The following SHISA6 variants were observed in gnomAD, a reference collection of about 807,000 sequenced individuals.
SHISA6 encodes protein shisa-6.
Under a neutral mutation model 47.9 loss-of-function variants are expected in SHISA6, and 22 were observed. That is an observed-to-expected ratio of 0.46 (90% confidence interval 0.33 to 0.66). The LOEUF is 0.66. Ranked by LOEUF, SHISA6 falls within the 30% of genes least tolerant of loss-of-function variation. The pLI is 0.02. For missense variants in SHISA6, 680 were observed against 764.6 expected (o/e 0.89, Z 1.30); for synonymous variants, 388 against 337.8 (o/e 1.15, Z -1.63).
intron 3 of SHISA6, among the ~76,000 whole-genome samples, chr17:11,533,883 G>A (rs748302456): frequency 3.9e-5 from 6 of 151,962 alleles, no homozygotes; most frequent in Non-Finnish European, 5.9e-5. Flanking sequence ...GAGCCACCGC[G>A]CCCAGCCTCA....
chr17:11,532,361 G>A (rs1171780205), intron 3 of SHISA6, among the ~76,000 whole-genome samples: 2 of 152,332 alleles, frequency 1.3e-5, no homozygotes, highest in Non-Finnish European at 2.9e-5. Flanking sequence ...GAAAGAGCAT[G>A]TGTGAGCTCT....
rs1185115808 is a variant in SHISA6 at position 11,557,758 on chromosome 17, C to G, written c.1110C>G (p.Asp370Glu). The change falls in exon 6 of 6, where the codon GAC (aspartate) becomes GAG (glutamate). Residue 370 changes from aspartate (D) to glutamate (E), a missense_variant. Physicochemically the swap from Asp to Glu is conservative, Grantham distance 45 (BLOSUM62 2). Coordinates refer to ENST00000441885, the MANE Select transcript of SHISA6 (RefSeq NM_207386.4). The stretch of plus-strand genomic sequence containing the variant: ...CACTCTGTCTCTCCCCTGCAGCCGA[C>G]AAGGAGGCTGACGAGTATTACATGA... ...SKYSSLKRLT[D>E]KEADEYYMRR... The G allele has an allele frequency of 1.3e-6, 2 of 1,540,604 alleles. No homozygotes were observed. The highest frequency in any genetic ancestry group is 2.5e-5 in the East Asian group (1 of 40,778).
chr17:11,253,025 C>T (rs987698992), intron 1 of SHISA6, among the ~76,000 whole-genome samples: 2 of 152,196 alleles, frequency 1.3e-5, no homozygotes, highest in African/African-American at 2.4e-5. Flanking sequence ...CAAGCATTCG[C>T]GAAGAAGAAT....
intron 3 of SHISA6, among the ~76,000 whole-genome samples, chr17:11,389,704 A>C (rs544786177): frequency 6.6e-6 from 1 of 152,248 alleles, no homozygotes; most frequent in South Asian, 2.1e-4. Context: ...GCTGGTGCCA[A>C]ATCTGAGCTT....
intron 2 of SHISA6, among the ~76,000 whole-genome samples, chr17:11,277,980 G>A (rs1908982129): frequency 6.6e-6 from 1 of 152,182 alleles, no homozygotes; most frequent in African/African-American, 2.4e-5. Context: ...AAATATGGGA[G>A]TTCTTTGACT....
At chr17:11,456,264 A>G (rs1915530470) in intron 3 of SHISA6, among the ~76,000 whole-genome samples, 1 of 152,134 alleles carries the variant, frequency 6.6e-6, no homozygotes, top group Non-Finnish European at 1.5e-5. Context: ...GGATGGTCAT[A>G]CCGGTTGTGC....
At chr17:11,335,307 G>A (rs1911281229) in intron 2 of SHISA6, among the ~76,000 whole-genome samples, 1 of 152,114 alleles carries the variant, frequency 6.6e-6, no homozygotes, top group South Asian at 2.1e-4. Context: ...AGCCATATTG[G>A]GTCACTGACA....
chr17:11,556,193 A>T (rs1296534503), intron 5 of SHISA6, among the ~76,000 whole-genome samples: 2 of 152,054 alleles, frequency 1.3e-5, no homozygotes, highest in Admixed American at 6.6e-5. Flanking sequence ...CCAGTCCCGC[A>T]CGCAACTGCC....
intron 2 of SHISA6, among the ~76,000 whole-genome samples, chr17:11,283,534 C>T (rs1187461358): frequency 1.3e-5 from 2 of 152,172 alleles, no homozygotes; most frequent in African/African-American, 4.8e-5. Flanking sequence ...CATGCACGTG[C>T]TAATTTTTCT....
At chr17:11,314,873 C>T (rs1231597005) in intron 2 of SHISA6, among the ~76,000 whole-genome samples, 3 of 152,206 alleles carry the variant, frequency 2.0e-5, no homozygotes, top group African/African-American at 7.2e-5. Flanking sequence ...CTCTATAATC[C>T]ATTTTGATGT....
chr17:11,314,653 A>T (rs1910447204), intron 2 of SHISA6, among the ~76,000 whole-genome samples: 1 of 151,190 alleles, frequency 6.6e-6, no homozygotes, highest in Non-Finnish European at 1.5e-5. Context: ...CTCCTGCCTC[A>T]GCCTCCCAAG....
intron 2 of SHISA6, among the ~76,000 whole-genome samples, chr17:11,362,183 A>T (rs920253074): frequency 6.6e-6 from 1 of 152,144 alleles, no homozygotes; most frequent in Non-Finnish European, 1.5e-5. Context: ...TCTGTCACCC[A>T]GGCTGGAGTA....
At chr17:11,472,612 G>C (rs1406001913) in intron 3 of SHISA6, among the ~76,000 whole-genome samples, 2 of 152,194 alleles carry the variant, frequency 1.3e-5, no homozygotes, top group Non-Finnish European at 2.9e-5. Context: ...TGGTAACTAA[G>C]AATAAGGCTG....
chr17:11,473,189 C>A (rs1162674871), intron 3 of SHISA6, among the ~76,000 whole-genome samples: 1 of 152,152 alleles, frequency 6.6e-6, no homozygotes, highest in Admixed American at 6.5e-5. Context: ...TCAATTATTT[C>A]TTTCATGAAT....
intron 2 of SHISA6, among the ~76,000 whole-genome samples, chr17:11,358,561 A>G (rs1050527829): frequency 5.3e-5 from 8 of 151,834 alleles, no homozygotes; most frequent in South Asian, 2.1e-4. Context: ...GGGTTTCACC[A>G]TGTTAGCCAG....
chr17:11,257,660 C>CAAA (rs11436926), intron 1 of SHISA6, among the ~76,000 whole-genome samples: 2 of 136,672 alleles, frequency 1.5e-5, no homozygotes, highest in Non-Finnish European at 1.5e-5. Context: ...GATCCTGTCT[C>CAAA]AAAAAAAAAA....
chr17:11,241,734 C>A lies in SHISA6; in HGVS notation c.312C>A (p.Tyr104Ter). ...GCTACTACGACGTGAGCGGCCAGTACGACAAGGAGTTCGAGTGTAACAACA... is the reference window on the plus strand; with the variant it reads ...GCTACTACGACGTGAGCGGCCAGTAAGACAAGGAGTTCGAGTGTAACAACA... ...CWGYYDVSGQ[Y>*]DKEFECNNSE... is the part of the protein sequence containing the mutation. The change falls in exon 1 of 6, where the codon TAC becomes TAA. Residue 104 changes from tyrosine (Y) to a stop codon, truncating the protein, a stop_gained. Transcript: ENST00000441885. LOFTEE classifies it high-confidence loss of function. The surrounding 1 kb of genome is among the most constrained non-coding windows in gnomAD (Gnocchi z 5.5). 2 of 1,543,596 alleles carry A rather than the reference C, an allele frequency of 1.3e-6. No individual in the cohort carries two copies. Among genetic ancestry groups the A allele is most frequent in the Non-Finnish European group, 1.7e-6 (2 of 1,146,858 alleles).
intron 2 of SHISA6, 30 bp from the exon 3 acceptor site, chr17:11,379,384 G>A (rs559664347): frequency 1.7e-5 from 25 of 1,473,778 alleles, no homozygotes; most frequent in East Asian, 1.0e-4. Flanking sequence ...TCGTGGATGC[G>A]CCAGGTAATT....
intron 3 of SHISA6, among the ~76,000 whole-genome samples, chr17:11,519,867 GTCC>G (rs1313673685): frequency 3.9e-5 from 6 of 152,070 alleles, no homozygotes; most frequent in Non-Finnish European, 8.8e-5. Context: ...GCATTCAGCT[GTCC>G]TCCTGAGATG....
Sources: gnomAD v4.1 joint callset for allele counts (sites outside exome capture counted in the v4.1 genomes callset) on GRCh38, gnomAD v4.1.1 for gene constraint, Gnocchi (gnomAD v3.1) non-coding constraint, MANE v1.5 for transcripts, NCBI Gene and HGNC (gene_info 2026-07-23, HGNC 2026-07-21) for gene names.